PFKP: variants seen among roughly 807,000 people sequenced by gnomAD.
The protein encoded by PFKP is phosphofructokinase, platelet.
PFKP carries 101 observed loss-of-function variants against 94.3 expected under a neutral mutation model. The ratio of observed to expected loss-of-function variants is 1.07; its 90% CI spans 0.91 to 1.26. The LOEUF is 1.26. Ranked by LOEUF, PFKP falls within the 50% of genes most tolerant of loss-of-function variation. PFKP has a pLI of 0.00. For missense variants in PFKP, 1,145 were observed against 1,103.3 expected, an observed-to-expected ratio of 1.04 and a Z score of -0.53; for synonymous variants, 573 against 432.6, an observed-to-expected ratio of 1.32 and a Z score of -4.03.
At chr10:3,108,441 G>A (rs895965183) in intron 8 of PFKP, among the ~76,000 whole-genome samples, 1 of 152,054 alleles carries the variant, frequency 6.6e-6, no homozygotes, top group Non-Finnish European at 1.5e-5. Flanking sequence ...TTAAAGCAAC[G>A]AACATATTAC....
chr10:3,079,657 CG>C (rs1456588977), intron 1 of PFKP, among the ~76,000 whole-genome samples: 3 of 7,794 alleles, frequency 3.8e-4, no homozygotes, highest in African/African-American at 1.6e-3. Flanking sequence ...CTTCAGAGAG[CG>C]GGGTGGGGGG....
chr10:3,081,662 T>A (rs548274164), intron 1 of PFKP, among the ~76,000 whole-genome samples: 1 of 152,098 alleles, frequency 6.6e-6, no homozygotes, highest in South Asian at 2.1e-4. Flanking sequence ...TGGCTTCAGC[T>A]CCCCCAAATC....
At chr10:3,119,265 A>G (rs1837146057) in intron 15 of PFKP, among the ~76,000 whole-genome samples, 1 of 152,164 alleles carries the variant, frequency 6.6e-6, no homozygotes, top group Non-Finnish European at 1.5e-5. Context: ...TATTTTTTCT[A>G]TTCATGAAGA....
At chr10:3,128,147 C>T (rs1033017070) in intron 16 of PFKP, among the ~76,000 whole-genome samples, 1 of 152,182 alleles carries the variant, frequency 6.6e-6, no homozygotes, top group African/African-American at 2.4e-5. Context: ...CATTCAGAGA[C>T]AAGCATTTCT....
chr10:3,084,793 C>T (rs530845346), intron 2 of PFKP, among the ~76,000 whole-genome samples: 5 of 145,446 alleles, frequency 3.4e-5, no homozygotes, highest in African/African-American at 1.0e-4. Context: ...CCAGGAGAGT[C>T]CTCCATCTCC....
At position 3,104,914 on chromosome 10, in the gene PFKP, T is replaced by C. The variant is rs4575170; in HGVS notation, c.621-201T>C. The C allele has an allele frequency of 2.7e-3, 1,752 of 647,912 alleles. 32 individuals carry two copies. In the African/African-American group the frequency reaches 0.03, roughly 11 times the overall value. The allele number at this position is 647,912 out of a possible 1,614,324, so 40.1% of individuals were successfully genotyped here. A position where few individuals can be genotyped will look rare whatever the true frequency, so the allele number is the denominator to read the frequency against. ...GCTCAAGTCCCCTTCCTCGCAGGAG[T>C]CTGGAAGGCTACTGCATAGCGTTTG... On this transcript the variant is annotated intron_variant, in intron 5 of 21. Coordinates refer to ENST00000381125, the MANE Select transcript of PFKP (RefSeq NM_002627.5).
At chr10:3,112,585 T>C (rs1311532171) in intron 11 of PFKP, among the ~76,000 whole-genome samples, 1 of 150,784 alleles carries the variant, frequency 6.6e-6, no homozygotes, top group Admixed American at 6.6e-5. Flanking sequence ...AAAAAAGGAG[T>C]CTCCTTCTGT....
At chr10:3,071,074 C>T (rs1015837340) in intron 1 of PFKP, among the ~76,000 whole-genome samples, 3 of 152,106 alleles carry the variant, frequency 2.0e-5, no homozygotes, top group African/African-American at 7.2e-5. Flanking sequence ...CCATGTTTTT[C>T]AGGGACCTTT....
chr10:3,133,128 A>G lies in PFKP; in HGVS notation c.1911-75A>G, dbSNP rs868565614. 19 of 1,032,422 alleles carry G rather than the reference A, an allele frequency of 1.8e-5. No individual in the cohort carries two copies. In the Middle Eastern group the frequency reaches 1.8e-3, roughly 99 times the overall value. 64.0% of individuals were successfully genotyped at this position (1,032,422 alleles called of 1,614,324 possible). ...GGGGGATGCGGGAGTCCAGCCTCCCAGGGCCATCTCCCCAAGCAGGGAGCC... is the reference window on the plus strand; with the variant it reads ...GGGGGATGCGGGAGTCCAGCCTCCCGGGGCCATCTCCCCAAGCAGGGAGCC... On this transcript the variant is annotated intron_variant, in intron 18 of 21. Coordinates refer to ENST00000381125, the MANE Select transcript of PFKP (RefSeq NM_002627.5).
rs1588602676 is a variant in PFKP at position 3,136,772 on chromosome 10, G to C, written c.*193G>C. On this transcript the variant is annotated 3_prime_UTR_variant, in exon 22 of 22. Transcript: ENST00000381125. ...ATGCTTTCAGATGTGCATATGAGCAGAATTAATTAAACATTTGCCTATGAC... is the reference window on the plus strand; with the variant it reads ...ATGCTTTCAGATGTGCATATGAGCACAATTAATTAAACATTTGCCTATGAC... 2.0e-6 allele frequency: 1 copy of C among 493,812 alleles called. No individual in the cohort carries two copies. Among genetic ancestry groups the C allele is most frequent in the Non-Finnish European group, 3.6e-6 (1 of 277,116 alleles). 30.6% of individuals were successfully genotyped at this position (493,812 alleles called of 1,614,324 possible).
At chr10:3,129,753 G>A in intron 16 of PFKP, 66 bp from the exon 17 acceptor site, 1 of 1,560,112 alleles carries the variant, frequency 6.4e-7, no homozygotes, top group South Asian at 1.1e-5. Context: ...ACTCTTGGGG[G>A]AGCTCTGGGA....
In PFKP at chr10:3,107,971, T is replaced by A. The variant is rs1437126497; in HGVS notation, c.870+662T>A. ...GGCAGAAGACGTCCCCACCTGGCTT[T>A]GCAAGTCGGCTTCTTTATTGTGCTT... On this transcript the variant is annotated intron_variant, in intron 8 of 21. Coordinates refer to ENST00000381125, the MANE Select transcript of PFKP (RefSeq NM_002627.5). The A allele has an allele frequency of 2.3e-6, 3 of 1,289,626 alleles. No homozygotes were observed. In the East Asian group the frequency reaches 1.7e-4, roughly 71 times the overall value. 79.9% of individuals were successfully genotyped at this position (1,289,626 alleles called of 1,614,324 possible). A position where few individuals can be genotyped will look rare whatever the true frequency, so the allele number is the denominator to read the frequency against.
At chr10:3,119,697 G>A (rs375094215) in intron 15 of PFKP, among the ~76,000 whole-genome samples, 195 bp from the exon 16 acceptor site, 88 of 152,242 alleles carry the variant, frequency 5.8e-4, no homozygotes, top group South Asian at 1.2e-3. Flanking sequence ...TCTGTCCTGC[G>A]CCCTTTGTGC....
chr10:3,112,999 C>A, intron 11 of PFKP, 120 bp from the exon 12 acceptor site: 5 of 872,812 alleles, frequency 5.7e-6, no homozygotes, highest in Non-Finnish European at 9.0e-6. Flanking sequence ...CCTCCTCCTT[C>A]TGCCCAGATA....
intron 2 of PFKP, among the ~76,000 whole-genome samples, chr10:3,089,777 T>C (rs1833907129): frequency 6.6e-6 from 1 of 151,816 alleles, no homozygotes; most frequent in African/African-American, 2.4e-5. Flanking sequence ...TTATTAACTG[T>C]AGTCGCTCCA....
At chr10:3,109,561 GGGTGTCTCGTC>G (rs1339227032) in intron 10 of PFKP, 81 bp downstream of exon 10, 2 of 1,535,140 alleles carry the variant, frequency 1.3e-6, no homozygotes, top group African/African-American at 2.7e-5. Context: ...TGGGCACCTT[GGGTGTCTCGTC>G]GGTGCACGAT....
chr10:3,067,694 C>T lies in PFKP; in HGVS notation c.99C>T (p.Gly33=). The T allele has an allele frequency of 1.3e-6, 2 of 1,504,836 alleles. No individual in the cohort carries two copies. The highest frequency in any genetic ancestry group is 8.9e-7 in the Non-Finnish European group (1 of 1,125,022). The allele number at this position is 1,504,836 out of a possible 1,614,324, so 93.2% of individuals were successfully genotyped here. A position where few individuals can be genotyped will look rare whatever the true frequency, so the allele number is the denominator to read the frequency against. The change falls in exon 1 of 22, where the codon GGC becomes GGT. Residue 33 remains glycine (G), a synonymous_variant. Coordinates refer to ENST00000381125, the MANE Select transcript of PFKP (RefSeq NM_002627.5). ...AGKAIGVLTS[G]GDAQGMNAAV... is the part of the protein sequence containing the mutation. ...AGGCCATCGGCGTGCTGACCAGCGG[C>T]GGGGATGCTCAAGGTGCGCGCCCCC...
Position 3,105,142 on chromosome 10 carries a change from G to A in PFKP, c.648G>A (p.Val216=). The change falls in exon 6 of 22, where the codon GTG becomes GTA. Residue 216 remains valine, a synonymous_variant. Transcript: ENST00000381125. ...ACCAGAGGACCTTCGTTCTGGAGGT[G>A]ATGGGACGACACTGTGGGTACGTAC... ...QSHQRTFVLE[V]MGRHCGYLAL... 3.1e-6 allele frequency: 5 copies of A among 1,613,954 alleles called. No homozygotes were observed. Among genetic ancestry groups the A allele is most frequent in the African/African-American group, 1.3e-5 (1 of 74,982 alleles).
chr10:3,127,962 A>G (rs772905175), intron 16 of PFKP, among the ~76,000 whole-genome samples: 9 of 152,222 alleles, frequency 5.9e-5, no homozygotes, highest in Non-Finnish European at 1.0e-4. Flanking sequence ...ACATTTCCCA[A>G]TGGGTGTTAA....
Sources: allele counts gnomAD v4.1 joint callset (sites outside exome capture counted in the v4.1 genomes callset), GRCh38; gene constraint gnomAD v4.1.1; transcripts MANE v1.5; gene names NCBI Gene and HGNC (gene_info 2026-07-23, HGNC 2026-07-21).